The following TMC1 variants were observed in gnomAD, a reference collection of about 807,000 sequenced individuals.
TMC1 encodes transmembrane channel like 1, also known as transmembrane channel-like protein 1.
A neutral mutation model predicts 105.8 loss-of-function variants in TMC1; 84 were observed. The observed-to-expected ratio is 0.79, with a 90% confidence interval of 0.67 to 0.95. The LOEUF (loss-of-function observed/expected upper bound fraction) is 0.95. Among genes scored for constraint, TMC1 ranks in the 40% least tolerant of loss-of-function variants. The pLI is 0.00. For synonymous variants in TMC1, 315 were observed against 311.5 expected, an observed-to-expected ratio of 1.01 and a Z score of -0.12; for missense variants, 817 against 914.1, an observed-to-expected ratio of 0.89 and a Z score of 1.37.
chr9:72,785,042 A>G (rs1828147879), intron 13 of TMC1, among the ~76,000 whole-genome samples: 1 of 152,196 alleles, frequency 6.6e-6, no homozygotes, highest in South Asian at 2.1e-4. Flanking sequence ...CCCCCACAAC[A>G]TGCAATTTAC....
intron 4 of TMC1, among the ~76,000 whole-genome samples, chr9:72,634,466 C>T (rs966511833): frequency 6.6e-6 from 1 of 152,156 alleles, no homozygotes; most frequent in Non-Finnish European, 1.5e-5. Context: ...CTCATAAGCC[C>T]AACCTTGTGG....
In TMC1 at chr9:72,615,753, AT is replaced by A. The variant is rs35200835; in HGVS notation, c.-305-601del. Among the ~76,000 whole-genome samples the A allele has an allele frequency of 5.8e-3, 810 of 138,940 alleles. 2 individuals are homozygous for A. The highest frequency in any genetic ancestry group is 0.017 in the African/African-American group (636 of 38,026). 91.2% of individuals were successfully genotyped at this position (138,940 alleles called of 152,430 possible). On this transcript the variant is annotated intron_variant, in intron 2 of 23. Transcript: ENST00000297784. The stretch of plus-strand genomic sequence containing the variant: ...CTCTTTTTGCTTTGACACCTTTCTT[AT>A]TTTTTTTTTTTTTCTTCGAGATAGG...
chr9:72,678,884 C>A (rs779311294), intron 5 of TMC1, among the ~76,000 whole-genome samples: 5 of 151,954 alleles, frequency 3.3e-5, no homozygotes, highest in African/African-American at 9.7e-5. Context: ...CACATAAATT[C>A]TTTTCTTTAT....
At chr9:72,771,622 G>C (rs1238221920) in intron 12 of TMC1, among the ~76,000 whole-genome samples, 5 of 152,212 alleles carry the variant, frequency 3.3e-5, no homozygotes, top group Admixed American at 6.5e-5. Context: ...TAAGAGGGGA[G>C]CTGGGGAGTG....
chr9:72,664,627 A>T (rs1044714238), intron 5 of TMC1, among the ~76,000 whole-genome samples: 31 of 152,132 alleles, frequency 2.0e-4, no homozygotes, highest in African/African-American at 7.0e-4. Context: ...AGGAGTTTGG[A>T]TGGGGATGGT....
At chr9:72,652,833 A>G (rs1825833951) in intron 5 of TMC1, among the ~76,000 whole-genome samples, 1 of 152,202 alleles carries the variant, frequency 6.6e-6, no homozygotes, top group Non-Finnish European at 1.5e-5. Context: ...AATTGAGATA[A>G]TGCTTGTGAA....
At chr9:72,619,929 G>A (rs867445164) in intron 3 of TMC1, among the ~76,000 whole-genome samples, 1 of 151,930 alleles carries the variant, frequency 6.6e-6, no homozygotes, top group African/African-American at 2.4e-5. Context: ...CCACCTCCTG[G>A]GTTCAAGTGA....
At chr9:72,762,912 C>G (rs1441629657) in intron 12 of TMC1, among the ~76,000 whole-genome samples, 3 of 152,144 alleles carry the variant, frequency 2.0e-5, no homozygotes, top group African/African-American at 7.2e-5. Context: ...ATGTTCTATT[C>G]TAGGTCCTAG....
At chr9:72,532,490 G>A (rs1189803231) in intron 1 of TMC1, among the ~76,000 whole-genome samples, 6 of 133,126 alleles carry the variant, frequency 4.5e-5, no homozygotes, top group African/African-American at 1.7e-4. Context: ...GCAGTGAGCC[G>A]AGATCGTGCC....
chr9:72,560,740 T>C (rs975494779), intron 1 of TMC1, among the ~76,000 whole-genome samples: 1 of 151,864 alleles, frequency 6.6e-6, no homozygotes, highest in African/African-American at 2.4e-5. Flanking sequence ...CGCCTCCGCC[T>C]CCCAAAGTGC....
chr9:72,575,254 C>T (rs1455158114), intron 1 of TMC1, among the ~76,000 whole-genome samples: 1 of 152,016 alleles, frequency 6.6e-6, no homozygotes, highest in African/African-American at 2.4e-5. Context: ...GATCTCGGCT[C>T]ACTGCAACCT....
chr9:72,701,441 G>A (rs1162211008), intron 8 of TMC1, among the ~76,000 whole-genome samples: 1 of 152,182 alleles, frequency 6.6e-6, no homozygotes, highest in Admixed American at 6.5e-5. Flanking sequence ...GAGGAGGAAA[G>A]GGCAGGGAAA....
intron 19 of TMC1, chr9:72,817,247 A>G (rs868564827): frequency 6.6e-6 from 1 of 152,168 alleles, no homozygotes; most frequent in African/African-American, 2.4e-5. Flanking sequence ...GTGAATCAAT[A>G]TGGAAAAGAT....
intron 17 of TMC1, among the ~76,000 whole-genome samples, chr9:72,800,661 C>A (rs549442114): frequency 4.8e-5 from 7 of 146,284 alleles, no homozygotes; most frequent in African/African-American, 9.9e-5. Flanking sequence ...TTTTTTTAAA[C>A]CTGTCTGTAG....
At chr9:72,539,767 A>G (rs999417893) in intron 1 of TMC1, among the ~76,000 whole-genome samples, 1 of 152,188 alleles carries the variant, frequency 6.6e-6, no homozygotes, top group African/African-American at 2.4e-5. Context: ...TTGTCTTTAC[A>G]GCAACATTTC....
At chr9:72,540,798 T>C (rs1823662085) in intron 1 of TMC1, among the ~76,000 whole-genome samples, 1 of 152,182 alleles carries the variant, frequency 6.6e-6, no homozygotes, top group South Asian at 2.1e-4. Context: ...AAACTCAGCA[T>C]GACAACATGC....
intron 19 of TMC1, 32 bp from the exon 20 acceptor site, chr9:72,820,810 C>A (rs1425686303): frequency 6.2e-7 from 1 of 1,613,322 alleles, no homozygotes; most frequent in African/African-American, 1.3e-5. Context: ...AGTAAAGACT[C>A]AAAACTGAGC....
intron 17 of TMC1, among the ~76,000 whole-genome samples, chr9:72,792,814 A>G (rs927063101): frequency 1.3e-5 from 2 of 152,208 alleles, no homozygotes; most frequent in Non-Finnish European, 2.9e-5. Flanking sequence ...ATGGAGAGAA[A>G]TAGAGGGGTT....
intron 7 of TMC1, among the ~76,000 whole-genome samples, chr9:72,699,904 C>A (rs1257818306): frequency 7.1e-6 from 1 of 140,944 alleles, no homozygotes; most frequent in Non-Finnish European, 1.5e-5. Context: ...TTGCAGTGAG[C>A]CGAGATTGTC....
Sources: allele counts gnomAD v4.1 joint callset (sites outside exome capture counted in the v4.1 genomes callset), GRCh38; gene constraint gnomAD v4.1.1; transcripts MANE v1.5; gene names NCBI Gene and HGNC (gene_info 2026-07-23, HGNC 2026-07-21).